The following ARHGAP20 variants were observed in gnomAD, a reference collection of about 807,000 sequenced individuals.
The protein encoded by ARHGAP20 is Rho GTPase activating protein 20, also known as rho GTPase-activating protein 20.
A neutral mutation model predicts 73.7 loss-of-function variants in ARHGAP20; 34 were observed. That is an observed-to-expected ratio of 0.46 (90% CI 0.35 to 0.61). ARHGAP20 has a LOEUF of 0.61. Among genes scored for constraint, ARHGAP20 ranks in the 20% least tolerant of loss-of-function variants. The pLI is 0.00. For missense variants in ARHGAP20, 1,314 were observed against 1,420.9 expected, an observed-to-expected ratio of 0.92 and a Z score of 1.21; for synonymous variants, 523 against 518.2, an observed-to-expected ratio of 1.01 and a Z score of -0.13.
intron 8 of ARHGAP20, among the ~76,000 whole-genome samples, chr11:110,607,731 G>A (rs192013342): frequency 2.6e-5 from 4 of 152,160 alleles, no homozygotes; most frequent in Admixed American, 6.5e-5. Context: ...CAAAACAGCC[G>A]GCAGCTAATC....
chr11:110,690,471 G>T, intron 2 of ARHGAP20, 76 bp downstream of exon 2: 2 of 1,365,174 alleles, frequency 1.5e-6, no homozygotes, highest in Non-Finnish European at 2.1e-6. Flanking sequence ...TAAAGAATAT[G>T]TGATCTGAAA....
chr11:110,581,904 AG>A (rs1238196396), intron 14 of ARHGAP20, among the ~76,000 whole-genome samples: 1 of 145,568 alleles, frequency 6.9e-6, no homozygotes, highest in African/African-American at 2.6e-5. Context: ...GACGTGTCTG[AG>A]GGACCAGTAC....
In ARHGAP20 at chr11:110,673,652, G is replaced by A. The variant is rs555319355; in HGVS notation, c.188+16895C>T. 4.6e-5 allele frequency among the ~76,000 whole-genome samples: 7 copies of A among 152,246 alleles called. No individual in the cohort carries two copies. In the East Asian group the frequency reaches 1.4e-3, roughly 29 times the overall value. On this transcript the variant is annotated intron_variant, in intron 2 of 14. Transcript: ENST00000683387. Reference sequence around the variant, plus strand: ...AGTTAGAGATAAAAGTCAGTGATTGGTAAGTGGCAGAATCATTTCTGAACC... The same window carrying A: ...AGTTAGAGATAAAAGTCAGTGATTGATAAGTGGCAGAATCATTTCTGAACC...
intron 10 of ARHGAP20, 115 bp downstream of exon 10, chr11:110,591,862 T>C (rs1947836225): frequency 9.1e-6 from 10 of 1,096,388 alleles, no homozygotes; most frequent in African/African-American, 1.6e-5. Context: ...GTGAAGATTC[T>C]TAGCCAAAGA....
At chr11:110,593,716 G>C (rs565279480) in intron 9 of ARHGAP20, among the ~76,000 whole-genome samples, 137 of 152,358 alleles carry the variant, frequency 9.0e-4, no homozygotes, top group African/African-American at 3.1e-3. Context: ...AAGCCTGATA[G>C]TGGGAGCCCT....
chr11:110,627,106 G>A (rs1273546591), intron 3 of ARHGAP20, among the ~76,000 whole-genome samples: 1 of 151,630 alleles, frequency 6.6e-6, no homozygotes, highest in East Asian at 1.9e-4. Flanking sequence ...ATATTTTTTT[G>A]AGACAGAGTT....
chr11:110,602,666 T>A (rs1014397052), intron 9 of ARHGAP20, among the ~76,000 whole-genome samples: 14 of 152,156 alleles, frequency 9.2e-5, no homozygotes, highest in African/African-American at 2.4e-5. Context: ...AGATTTAAAA[T>A]TATCAGCCTT....
At chr11:110,646,902 T>A (rs1223444350) in intron 2 of ARHGAP20, among the ~76,000 whole-genome samples, 3 of 152,058 alleles carry the variant, frequency 2.0e-5, no homozygotes, top group Admixed American at 6.6e-5. Flanking sequence ...ATATGGTGAA[T>A]AGACTGGAAG....
chr11:110,634,217 A>G (rs1166448454), intron 2 of ARHGAP20, among the ~76,000 whole-genome samples: 2 of 152,152 alleles, frequency 1.3e-5, no homozygotes, highest in Non-Finnish European at 2.9e-5. Context: ...GGCAGAACTC[A>G]AATGTCTGGA....
intron 2 of ARHGAP20, among the ~76,000 whole-genome samples, chr11:110,682,272 G>A (rs1174310635): frequency 2.0e-5 from 3 of 152,022 alleles, no homozygotes; most frequent in Non-Finnish European, 4.4e-5. Context: ...ATAATAAATA[G>A]CTTACATACA....
chr11:110,590,936 A>C lies in ARHGAP20; in HGVS notation c.1144-127T>G, dbSNP rs555811940. The C allele has an allele frequency of 4.2e-6, 4 of 963,012 alleles. No homozygotes were observed. In the Admixed American group the frequency reaches 1.0e-4, roughly 24 times the overall value. The allele number at this position is 963,012 out of a possible 1,614,324, so 59.7% of individuals were successfully genotyped here. A position where few individuals can be genotyped will look rare whatever the true frequency, so the allele number is the denominator to read the frequency against. ...TAAAAGCACTGAAGGATTGGAGCTAAATAAATGGCCGGAAAAATTAAAGTC... is the reference window on the plus strand; with the variant it reads ...TAAAAGCACTGAAGGATTGGAGCTACATAAATGGCCGGAAAAATTAAAGTC... On this transcript the variant is annotated intron_variant, in intron 10 of 14. Coordinates refer to ENST00000683387, the MANE Select transcript of ARHGAP20 (RefSeq NM_001384657.1).
chr11:110,656,190 C>G (rs1949462696), intron 2 of ARHGAP20, among the ~76,000 whole-genome samples: 1 of 151,970 alleles, frequency 6.6e-6, no homozygotes, highest in African/African-American at 2.4e-5. Flanking sequence ...GCTACTGCTC[C>G]TCCTCAAGCA....
intron 2 of ARHGAP20, among the ~76,000 whole-genome samples, chr11:110,684,872 G>GAGAACACAT (rs112389394): frequency 6.6e-5 from 10 of 151,652 alleles, no homozygotes; most frequent in Admixed American, 5.3e-4. Flanking sequence ...AGGAAACAAT[G>GAGAACACAT]GGACAGAAAC....
chr11:110,679,881 T>C (rs1474417036), intron 2 of ARHGAP20, among the ~76,000 whole-genome samples: 1 of 152,170 alleles, frequency 6.6e-6, no homozygotes. Context: ...TAATTCAATA[T>C]ACATTAAACA....
At position 110,580,263 on chromosome 11, in the gene ARHGAP20, C is replaced by T; in HGVS notation, c.2683G>A (p.Gly895Arg). The T allele has an allele frequency of 1.2e-6, 2 of 1,614,214 alleles. No homozygotes were observed. Among genetic ancestry groups the T allele is most frequent in the Non-Finnish European group, 1.7e-6 (2 of 1,180,040 alleles). ...LKRHKSLQME[G>R]QKLINQSLVM... ...AAACTCTGATTAATGAGCTTCTGCC[C>T]CTCCATTTGCAAAGACTTATGCCGT... is the stretch of plus-strand genomic sequence containing the variant. The change falls in exon 15 of 15, where the codon GGG becomes AGG. Residue 895 changes from glycine to arginine, a missense_variant. Around this residue, in one of 3 missense-constraint regions of ARHGAP20, gnomAD observed 641 missense variants for 636.9 expected, o/e 1.01. Transcript: ENST00000683387.
At chr11:110,605,542 C>G (rs1948205015) in intron 9 of ARHGAP20, among the ~76,000 whole-genome samples, 1 of 152,162 alleles carries the variant, frequency 6.6e-6, no homozygotes, top group East Asian at 1.9e-4. Context: ...ACAATGAATG[C>G]TGATTTAATT....
intron 2 of ARHGAP20, among the ~76,000 whole-genome samples, chr11:110,668,582 G>A (rs1214496621): frequency 6.6e-6 from 1 of 152,090 alleles, no homozygotes; most frequent in Non-Finnish European, 1.5e-5. Flanking sequence ...CCTAGAGGTG[G>A]AGGATGCAGT....
chr11:110,595,857 C>A (rs1947944791), intron 9 of ARHGAP20, among the ~76,000 whole-genome samples: 1 of 152,086 alleles, frequency 6.6e-6, no homozygotes, highest in Non-Finnish European at 1.5e-5. Flanking sequence ...GCCAAAAGAA[C>A]AAAGCTGGAG....
At chr11:110,700,565 C>A (rs528711038) in intron 1 of ARHGAP20, among the ~76,000 whole-genome samples, 6 of 149,298 alleles carry the variant, frequency 4.0e-5, no homozygotes, top group African/African-American at 1.5e-4. Flanking sequence ...AAGATAATTA[C>A]TTTTTTTTTT....
Sources: allele counts gnomAD v4.1 joint callset (sites outside exome capture counted in the v4.1 genomes callset), GRCh38; gene constraint gnomAD v4.1.1; regional missense constraint gnomAD v4.1.1; transcripts MANE v1.5; gene names NCBI Gene and HGNC (gene_info 2026-07-23, HGNC 2026-07-21).